ATRNL1: variants seen among roughly 807,000 people sequenced by gnomAD.
ATRNL1 encodes the protein attractin-like protein 1.
ATRNL1 carries 95 observed loss-of-function variants against 182.7 expected under a neutral mutation model. That is an observed-to-expected ratio of 0.52 (90% CI 0.44 to 0.62). ATRNL1 has a LOEUF of 0.62. Among genes scored for constraint, ATRNL1 ranks in the 20% least tolerant of loss-of-function variants. The pLI is 0.00. For missense variants in ATRNL1, 1,471 were observed against 1,679.5 expected, an observed-to-expected ratio of 0.88 and a Z score of 2.17; for synonymous variants, 576 against 568.3, an observed-to-expected ratio of 1.01 and a Z score of -0.19.
At position 115,554,862 on chromosome 10, in the gene ATRNL1, TTTTC is replaced by T. The variant is rs145939230; in HGVS notation, c.3795+5330_3795+5333del. 3.2e-3 allele frequency among the ~76,000 whole-genome samples: 487 copies of T among 151,808 alleles called. 2 individuals carry two copies. Among genetic ancestry groups the T allele is most frequent in the Non-Finnish European group, 5.5e-3 (372 of 67,666 alleles). On this transcript the variant is annotated intron_variant, in intron 26 of 28. Coordinates refer to ENST00000355044, the MANE Select transcript of ATRNL1 (RefSeq NM_207303.4). Reference sequence around the variant, plus strand: ...TACAACAAATTTGTCTAAAATCACTTTTTCTTTATTATATGCTATTATCTTTATA... The same window carrying T: ...TACAACAAATTTGTCTAAAATCACTTTTTATTATATGCTATTATCTTTATA...
intron 27 of ATRNL1, among the ~76,000 whole-genome samples, chr10:115,730,006 C>G (rs1947741267): frequency 6.6e-6 from 1 of 151,786 alleles, no homozygotes; most frequent in Admixed American, 6.6e-5. Flanking sequence ...CCTGTAATCC[C>G]AGCACTTTGG....
chr10:115,178,093 ATTTTT>A (rs1847603669), intron 8 of ATRNL1, among the ~76,000 whole-genome samples: 1 of 150,696 alleles, frequency 6.6e-6, no homozygotes, highest in Admixed American at 6.6e-5. Flanking sequence ...TACTTTTTGT[ATTTTT>A]AGTAGAGATG....
At chr10:115,404,040 C>A (rs891863725) in intron 20 of ATRNL1, among the ~76,000 whole-genome samples, 3 of 152,086 alleles carry the variant, frequency 2.0e-5, no homozygotes, top group Non-Finnish European at 4.4e-5. Context: ...CGATTTCTAC[C>A]CTTGAGGAAT....
intron 27 of ATRNL1, among the ~76,000 whole-genome samples, chr10:115,833,368 C>T (rs532038610): frequency 2.0e-5 from 3 of 152,234 alleles, no homozygotes; most frequent in African/African-American, 4.8e-5. Flanking sequence ...TTACTTTTCA[C>T]GGCATAGCGT....
intron 27 of ATRNL1, among the ~76,000 whole-genome samples, chr10:115,782,610 G>C (rs1386327870): frequency 6.6e-6 from 1 of 152,170 alleles, no homozygotes; most frequent in African/African-American, 2.4e-5. Flanking sequence ...GCTCTGAAAA[G>C]AGAAAAGGGC....
chr10:115,664,897 C>T (rs1321916693), intron 26 of ATRNL1, among the ~76,000 whole-genome samples: 1 of 152,052 alleles, frequency 6.6e-6, no homozygotes, highest in East Asian at 1.9e-4. Flanking sequence ...CAAGCTATTC[C>T]ACTTCTTAAC....
intron 28 of ATRNL1, among the ~76,000 whole-genome samples, chr10:115,906,388 G>T (rs1317703993): frequency 6.6e-6 from 1 of 152,096 alleles, no homozygotes; most frequent in Non-Finnish European, 1.5e-5. Context: ...AAATGGGAAT[G>T]ATTATATATA....
At chr10:115,903,046 C>A (rs1952400731) in intron 28 of ATRNL1, among the ~76,000 whole-genome samples, 1 of 152,048 alleles carries the variant, frequency 6.6e-6, no homozygotes, top group Admixed American at 6.6e-5. Flanking sequence ...TCCTCTTGGC[C>A]CCCTTGTATA....
intron 25 of ATRNL1, among the ~76,000 whole-genome samples, chr10:115,537,693 G>C (rs1852114877): frequency 1.2e-5 from 1 of 80,626 alleles, no homozygotes; most frequent in Non-Finnish European, 2.8e-5. Flanking sequence ...GCATTTTTTT[G>C]GTCCTTATTG....
At chr10:115,281,274 C>A in intron 13 of ATRNL1, 81 bp from the exon 14 acceptor site, 1 of 1,223,024 alleles carries the variant, frequency 8.2e-7, no homozygotes, top group Non-Finnish European at 1.1e-6. Flanking sequence ...TAAAGTTCAC[C>A]AGAGGATTTA....
chr10:115,591,155 A>G (rs2133917203), intron 26 of ATRNL1, among the ~76,000 whole-genome samples: 1 of 152,346 alleles, frequency 6.6e-6, no homozygotes. Flanking sequence ...GTACACATAC[A>G]CAAAAATGCA....
chr10:115,496,523 G>T (rs1367522717), intron 24 of ATRNL1, among the ~76,000 whole-genome samples: 1 of 151,740 alleles, frequency 6.6e-6, no homozygotes, highest in Non-Finnish European at 1.5e-5. Context: ...CTCTGTTTAT[G>T]TGATAAATCA....
intron 26 of ATRNL1, among the ~76,000 whole-genome samples, chr10:115,568,214 G>A (rs542329904): frequency 2.8e-4 from 42 of 152,110 alleles, no homozygotes; most frequent in Non-Finnish European, 4.9e-4. Context: ...ATAGTGATAT[G>A]TGTTATTTCA....
At chr10:115,579,880 T>G (rs1854963700) in intron 26 of ATRNL1, among the ~76,000 whole-genome samples, 2 of 151,990 alleles carry the variant, frequency 1.3e-5, no homozygotes, top group Non-Finnish European at 2.9e-5. Flanking sequence ...TTTGTGTAAC[T>G]TGTATAGGTA....
At chr10:115,587,874 A>G (rs1002128073) in intron 26 of ATRNL1, among the ~76,000 whole-genome samples, 38 of 152,164 alleles carry the variant, frequency 2.5e-4, no homozygotes, top group African/African-American at 8.9e-4. Flanking sequence ...CTTCCAAACC[A>G]GTAGAGAAAA....
intron 15 of ATRNL1, among the ~76,000 whole-genome samples, chr10:115,294,036 T>C (rs1168966620): frequency 1.3e-5 from 2 of 152,240 alleles, no homozygotes; most frequent in Non-Finnish European, 2.9e-5. Flanking sequence ...AGTGATTTAT[T>C]AAATATTTCT....
intron 8 of ATRNL1, among the ~76,000 whole-genome samples, chr10:115,184,268 C>T (rs1342500739): frequency 6.6e-6 from 1 of 151,358 alleles, no homozygotes; most frequent in Non-Finnish European, 1.5e-5. Flanking sequence ...CCAAAGCCAG[C>T]ATCTTATACT....
chr10:115,172,727 C>G (rs1290427390), intron 8 of ATRNL1, among the ~76,000 whole-genome samples: 2 of 151,880 alleles, frequency 1.3e-5, no homozygotes, highest in Admixed American at 6.6e-5. Flanking sequence ...TCCACTATCT[C>G]TCACTCTTTT....
chr10:115,936,728 A>T (rs893694876), intron 28 of ATRNL1, among the ~76,000 whole-genome samples: 1 of 152,206 alleles, frequency 6.6e-6, no homozygotes, highest in Non-Finnish European at 1.5e-5. Context: ...CCATTGTTCC[A>T]TTTCTTCAAT....
Sources: gnomAD v4.1 joint callset for allele counts (sites outside exome capture counted in the v4.1 genomes callset) on GRCh38, gnomAD v4.1.1 for gene constraint, MANE v1.5 for transcripts, NCBI Gene and HGNC (gene_info 2026-07-23, HGNC 2026-07-21) for gene names.